Variants in USP15 observed in about 807,000 individuals in gnomAD.
USP15 encodes the protein ubiquitin specific peptidase 15, also known as ubiquitin carboxyl-terminal hydrolase 15.
In USP15, 18 loss-of-function variants were observed where a neutral mutation model predicts 127.1. That is an observed-to-expected ratio of 0.14 (90% CI 0.10 to 0.21). The LOEUF (loss-of-function observed/expected upper bound fraction) is 0.21, where lower values mean the gene tolerates loss of function less well. Among genes scored for constraint, USP15 ranks in the 10% least tolerant of loss-of-function variants. The pLI is 1.00. For missense variants in USP15, 805 were observed against 1,159.9 expected (o/e 0.69, Z 4.44); for synonymous variants, 364 against 393.7 (o/e 0.92, Z 0.89).
chr12:62,375,296 G>A (rs1285034850), intron 8 of USP15, among the ~76,000 whole-genome samples: 1 of 152,024 alleles, frequency 6.6e-6, no homozygotes, highest in Non-Finnish European at 1.5e-5. Flanking sequence ...GCATCATTTG[G>A]ACTTTTATTT....
intron 8 of USP15, among the ~76,000 whole-genome samples, chr12:62,356,688 T>TA (rs2066142319): frequency 6.6e-6 from 1 of 152,060 alleles, no homozygotes; most frequent in Non-Finnish European, 1.5e-5. Flanking sequence ...GCTCATAGTA[T>TA]AGTGTGAATT....
chr12:62,362,616 A>G (rs1344427440), intron 8 of USP15, among the ~76,000 whole-genome samples: 1 of 152,074 alleles, frequency 6.6e-6, no homozygotes, highest in Non-Finnish European at 1.5e-5. Context: ...AAGCTGGGTA[A>G]TTTTTTTCAA....
intron 4 of USP15, among the ~76,000 whole-genome samples, chr12:62,317,590 T>G (rs1171094574): frequency 6.6e-6 from 1 of 152,208 alleles, no homozygotes; most frequent in Non-Finnish European, 1.5e-5. Context: ...TTAAGATGGA[T>G]ATGTATTTTT....
intron 8 of USP15, among the ~76,000 whole-genome samples, chr12:62,375,611 G>A (rs568485720): frequency 2.0e-5 from 3 of 152,206 alleles, no homozygotes; most frequent in East Asian, 1.9e-4. Context: ...AGGAAGATAC[G>A]ACATTTAGAA....
chr12:62,311,523 T>G (rs2064678429), intron 3 of USP15, among the ~76,000 whole-genome samples: 1 of 151,742 alleles, frequency 6.6e-6, no homozygotes, highest in Non-Finnish European at 1.5e-5. Flanking sequence ...GAATGGGGGT[T>G]GTTGTGTTCC....
chr12:62,386,890 C>T (rs2067166274), intron 11 of USP15, among the ~76,000 whole-genome samples: 1 of 152,148 alleles, frequency 6.6e-6, no homozygotes, highest in South Asian at 2.1e-4. Flanking sequence ...AAATGACAAA[C>T]ACTTCAACTC....
At chr12:62,279,444 G>A (rs1263472933) in intron 1 of USP15, among the ~76,000 whole-genome samples, 1 of 152,172 alleles carries the variant, frequency 6.6e-6, no homozygotes, top group South Asian at 2.1e-4. Context: ...AAACATGATA[G>A]TACATATATC....
At chr12:62,271,896 G>A (rs1409948949) in intron 1 of USP15, among the ~76,000 whole-genome samples, 2 of 151,846 alleles carry the variant, frequency 1.3e-5, no homozygotes, top group East Asian at 3.9e-4. Flanking sequence ...GATTTAATGT[G>A]TGGAGAAGAA....
At chr12:62,299,458 A>G (rs1360478966) in intron 2 of USP15, among the ~76,000 whole-genome samples, 1 of 152,138 alleles carries the variant, frequency 6.6e-6, no homozygotes, top group Non-Finnish European at 1.5e-5. Flanking sequence ...GGACAGCACA[A>G]TGTTTTCATG....
intron 1 of USP15, among the ~76,000 whole-genome samples, chr12:62,272,304 A>G (rs1428256837): frequency 6.6e-6 from 1 of 151,880 alleles, no homozygotes; most frequent in Non-Finnish European, 1.5e-5. Context: ...ATTTTTGTGT[A>G]TTTTTTTACT....
intron 2 of USP15, 134 bp from the exon 3 acceptor site, chr12:62,302,656 A>G (rs2064351847): frequency 2.3e-6 from 2 of 876,936 alleles, no homozygotes; most frequent in East Asian, 5.4e-5. Context: ...GACACCCCTG[A>G]TGTAAGGGAG....
Position 62,415,501 on chromosome 12 carries a change from G to A in USP15, c.*11126G>A, listed in dbSNP as rs1030563676. ...CCATCACATCCCTTCATGTAGAAAA[G>A]AGTGGTTTGGACCATAGGCTCAGGA... On this transcript the variant is annotated 3_prime_UTR_variant, in exon 22 of 22. Transcript: ENST00000280377. The A allele has an allele frequency of 6.6e-6, 1 of 152,170 alleles. No homozygotes were observed. Among genetic ancestry groups the A allele is most frequent in the African/African-American group, 2.4e-5 (1 of 41,442 alleles). 9.4% of individuals were successfully genotyped at this position (152,170 alleles called of 1,614,324 possible). A position where few individuals can be genotyped will look rare whatever the true frequency, so the allele number is the denominator to read the frequency against.
At chr12:62,331,670 T>G (rs1049140097) in intron 6 of USP15, among the ~76,000 whole-genome samples, 1 of 152,014 alleles carries the variant, frequency 6.6e-6, no homozygotes, top group African/African-American at 2.4e-5. Context: ...GTTTTGAAAC[T>G]GTGTCTTCAG....
chr12:62,400,302 C>T (rs1592739415), intron 20 of USP15, among the ~76,000 whole-genome samples: 1 of 152,028 alleles, frequency 6.6e-6, no homozygotes. Flanking sequence ...TCAGTGGATA[C>T]CACAGATGTT....
At chr12:62,392,704 T>C (rs2067361951) in intron 18 of USP15, among the ~76,000 whole-genome samples, 1 of 152,152 alleles carries the variant, frequency 6.6e-6, no homozygotes, top group Non-Finnish European at 1.5e-5. Flanking sequence ...TGTAGTGATA[T>C]ATTTTGTGGT....
At chr12:62,346,798 A>G (rs1234441410) in intron 6 of USP15, among the ~76,000 whole-genome samples, 1 of 152,158 alleles carries the variant, frequency 6.6e-6, no homozygotes, top group African/African-American at 2.4e-5. Flanking sequence ...TATCATACCT[A>G]CCTTAGTAAC....
Position 62,302,780 on chromosome 12 carries a change from T to A in USP15, c.218-10T>A. The A allele has an allele frequency of 5.6e-6, 9 of 1,600,404 alleles. No homozygotes were observed. The highest frequency in any genetic ancestry group is 7.7e-6 in the Non-Finnish European group (9 of 1,171,862). Reference sequence around the variant, plus strand: ...AGAGTTAGGTATTGAGTTTATTTTTTCTTTTGCAGATGGTGATGCCCAGTC... The same window carrying A: ...AGAGTTAGGTATTGAGTTTATTTTTACTTTTGCAGATGGTGATGCCCAGTC... On this transcript the variant is annotated splice_polypyrimidine_tract_variant and intron_variant, in intron 2 of 21. Coordinates refer to ENST00000280377, the MANE Select transcript of USP15 (RefSeq NM_001252078.2).
chr12:62,262,341 TA>T (rs1345098745), intron 1 of USP15, among the ~76,000 whole-genome samples: 1 of 152,228 alleles, frequency 6.6e-6, no homozygotes, highest in East Asian at 1.9e-4. Context: ...TGGCTTGTGG[TA>T]ATGACAAATA....
At chr12:62,314,754 T>A in intron 3 of USP15, 36 bp from the exon 4 acceptor site, 1 of 1,483,536 alleles carries the variant, frequency 6.7e-7, no homozygotes, top group Non-Finnish European at 9.0e-7. Flanking sequence ...TATATTGATA[T>A]AGGTGACACT....
Sources: allele counts gnomAD v4.1 joint callset (sites outside exome capture counted in the v4.1 genomes callset), GRCh38; gene constraint gnomAD v4.1.1; transcripts MANE v1.5; gene names NCBI Gene and HGNC (gene_info 2026-07-23, HGNC 2026-07-21).